ZSCAN25: variants seen among roughly 807,000 people sequenced by gnomAD.
ZSCAN25 encodes the protein zinc finger and SCAN domain containing 25.
ZSCAN25 carries 27 observed loss-of-function variants against 38.7 expected under a neutral mutation model. That is an observed-to-expected ratio of 0.70 (90% CI 0.51 to 0.96). ZSCAN25 has a LOEUF of 0.96. Among genes scored for constraint, ZSCAN25 ranks in the 40% least tolerant of loss-of-function variants. The pLI is 0.00. For missense variants in ZSCAN25, 637 were observed against 705.9 expected, an observed-to-expected ratio of 0.90 and a Z score of 1.11; for synonymous variants, 273 against 277.7, an observed-to-expected ratio of 0.98 and a Z score of 0.17.
At chr7:99,705,558 G>T in the ZSCAN25 span, 3 of 1,613,614 alleles carry the variant, frequency 1.9e-6, no homozygotes, top group Non-Finnish European at 2.5e-6. Context: ...GGGTTTTTCT[G>T]TTAGAAGAAG....
At position 99,619,582 on chromosome 7, in the gene ZSCAN25, C is replaced by G. The variant is rs374716465; in HGVS notation, c.-25C>G. 2 of 1,587,600 alleles carry G rather than the reference C, an allele frequency of 1.3e-6. No homozygotes were observed. The highest frequency in any genetic ancestry group is 1.1e-5 in the South Asian group (1 of 87,338). On this transcript the variant is annotated 5_prime_UTR_variant, in exon 4 of 8. The change creates a premature stop within an existing upstream ORF in the 5' untranslated region. Transcript: ENST00000394152. Reference sequence around the variant, plus strand: ...AAAGGGTCATTGATGCAGTCATTCTCAGTCTCCTCGGAGGGAGTCTGAAGA... The same window carrying G: ...AAAGGGTCATTGATGCAGTCATTCTGAGTCTCCTCGGAGGGAGTCTGAAGA...
chr7:99,637,107 T>TA (rs1177204131), downstream of ZSCAN25, among the ~76,000 whole-genome samples: 1 of 152,202 alleles, frequency 6.6e-6, no homozygotes, highest in Non-Finnish European at 1.5e-5. Flanking sequence ...CACACATCTA[T>TA]AAAAAATGAC....
chr7:99,662,738 A>T, the ZSCAN25 span: 2 of 1,361,836 alleles, frequency 1.5e-6, no homozygotes, highest in Non-Finnish European at 2.1e-6. The surrounding 1 kb of genome is among the most constrained non-coding windows in gnomAD (Gnocchi z 4.3). Context: ...TTCCTGGAAT[A>T]CTTCCTGCAC....
chr7:99,705,593 G>A, the ZSCAN25 span: 1 of 1,613,178 alleles, frequency 6.2e-7, no homozygotes, highest in Non-Finnish European at 8.5e-7. Flanking sequence ...ATTTCAGGGG[G>A]ATCTGCAACA....
chr7:99,735,487 T>G, the ZSCAN25 span, among the ~76,000 whole-genome samples: 2 of 152,236 alleles, frequency 1.3e-5, no homozygotes, highest in Admixed American at 6.5e-5. Flanking sequence ...CTCTTGTCTC[T>G]ATGGCTGTCC....
chr7:99,636,084 G>T (rs1808273528), downstream of ZSCAN25, among the ~76,000 whole-genome samples: 1 of 151,424 alleles, frequency 6.6e-6, no homozygotes, highest in Admixed American at 6.6e-5. Flanking sequence ...TTAACATGAG[G>T]GTTTCAAGTT....
the ZSCAN25 span, among the ~76,000 whole-genome samples, chr7:99,735,434 A>G: frequency 6.6e-6 from 1 of 152,168 alleles, no homozygotes; most frequent in South Asian, 2.1e-4. Flanking sequence ...GGTTCTTATC[A>G]CAAACTCAAG....
At chr7:99,672,510 T>C in the ZSCAN25 span, 10 of 1,338,862 alleles carry the variant, frequency 7.5e-6, no homozygotes, top group Non-Finnish European at 1.1e-5. Flanking sequence ...TGTGAATATA[T>C]GTTTTTTTCA....
chr7:99,676,035 A>G, the ZSCAN25 span: 1 of 1,233,454 alleles, frequency 8.1e-7, no homozygotes, highest in Non-Finnish European at 1.2e-6. Context: ...ACTCCCTCCC[A>G]AGGAGGGGCA....
At chr7:99,680,751 T>G in the ZSCAN25 span, among the ~76,000 whole-genome samples, 1 of 152,170 alleles carries the variant, frequency 6.6e-6, no homozygotes, top group African/African-American at 2.4e-5. Flanking sequence ...CTAATAAAGT[T>G]GGTCTTGTTC....
Position 99,619,550 on chromosome 7 carries a change from G to A in ZSCAN25, c.-46-11G>A, listed in dbSNP as rs1450303225. On this transcript the variant is annotated splice_polypyrimidine_tract_variant and intron_variant, in intron 3 of 7. Coordinates refer to ENST00000394152, the MANE Select transcript of ZSCAN25 (RefSeq NM_145115.3). ...TGGGCTGACCTTTCATGTGTCTCTT[G>A]TTCTCAAAAGGGTCATTGATGCAGT... 82 of 1,540,146 alleles carry A rather than the reference G, an allele frequency of 5.3e-5. 3 individuals are homozygous for A. In the South Asian group the frequency reaches 8.1e-4, roughly 15 times the overall value.
chr7:99,705,387 A>T, the ZSCAN25 span: 36 of 1,177,112 alleles, frequency 3.1e-5, no homozygotes, highest in Non-Finnish European at 4.5e-5. Context: ...TTTATGCAGC[A>T]CATTGGATGA....
chr7:99,694,717 G>A, the ZSCAN25 span, among the ~76,000 whole-genome samples: 3 of 151,692 alleles, frequency 2.0e-5, no homozygotes, highest in Non-Finnish European at 2.9e-5. Context: ...ATTGGAATCA[G>A]GGAAACAAGC....
At chr7:99,666,465 G>A in the ZSCAN25 span, 1 of 912,846 alleles carries the variant, frequency 1.1e-6, no homozygotes, top group Non-Finnish European at 1.7e-6. Flanking sequence ...CCTCTTAGGT[G>A]GCTCTTTGGA....
At chr7:99,730,082 C>T in the ZSCAN25 span, among the ~76,000 whole-genome samples, 1 of 152,160 alleles carries the variant, frequency 6.6e-6, no homozygotes, top group African/African-American at 2.4e-5. Flanking sequence ...GAGCTGACTC[C>T]TGCTGCTGCT....
rs1807908925 is a variant in ZSCAN25 at position 99,630,447 on chromosome 7, C to G, written c.*427C>G. On this transcript the variant is annotated 3_prime_UTR_variant, in exon 8 of 8. Coordinates refer to ENST00000394152, the MANE Select transcript of ZSCAN25 (RefSeq NM_145115.3). The stretch of plus-strand genomic sequence containing the variant: ...CCCCCTCTCTTTTCCATTGAACAAA[C>G]ATTTATTGAACATCCTCTGAGCACC... The G allele has an allele frequency of 3.0e-6, 3 of 1,004,666 alleles. No individual in the cohort carries two copies. Among genetic ancestry groups the G allele is most frequent in the Admixed American group, 1.1e-4 (2 of 18,576 alleles). The allele number at this position is 1,004,666 out of a possible 1,614,324, so 62.2% of individuals were successfully genotyped here. A position where few individuals can be genotyped will look rare whatever the true frequency, so the allele number is the denominator to read the frequency against.
the ZSCAN25 span, among the ~76,000 whole-genome samples, chr7:99,716,892 T>C: frequency 6.6e-6 from 1 of 152,170 alleles, no homozygotes; most frequent in East Asian, 1.9e-4. Context: ...CAATCACACT[T>C]TTCCCCCTAA....
chr7:99,673,891 A>G, the ZSCAN25 span, among the ~76,000 whole-genome samples: 1 of 152,224 alleles, frequency 6.6e-6, no homozygotes, highest in Admixed American at 6.5e-5. Flanking sequence ...TGGTAACCAC[A>G]ATGCTCCTAG....
chr7:99,706,748 T>G, the ZSCAN25 span, among the ~76,000 whole-genome samples: 1 of 152,274 alleles, frequency 6.6e-6, no homozygotes. Context: ...GAATGTCATT[T>G]GCTAAATGTT....
Sources: allele counts gnomAD v4.1 joint callset (sites outside exome capture counted in the v4.1 genomes callset), GRCh38; gene constraint gnomAD v4.1.1; non-coding constraint Gnocchi (gnomAD v3.1); transcripts MANE v1.5; gene names NCBI Gene and HGNC (gene_info 2026-07-23, HGNC 2026-07-21).